Variants in PPP1R9B observed in about 807,000 individuals in gnomAD.
The protein encoded by PPP1R9B is protein phosphatase 1 regulatory subunit 9B.
Under a neutral mutation model 75.8 loss-of-function variants are expected in PPP1R9B, and 17 were observed. The observed-to-expected ratio is 0.22, with a 90% CI of 0.15 to 0.34. The LOEUF (loss-of-function observed/expected upper bound fraction) is 0.34, where lower values mean the gene tolerates loss of function less well. PPP1R9B is among the 10% of genes least tolerant of loss of function. The pLI is 1.00. For synonymous variants in PPP1R9B, 509 were observed against 535.4 expected (o/e 0.95, Z 0.68); for missense variants, 875 against 1,196.0 (o/e 0.73, Z 3.96).
In PPP1R9B at chr17:50,139,542, G is replaced by T; in HGVS notation, c.1906C>A (p.Pro636Thr). 1 of 1,587,988 alleles carries T rather than the reference G, an allele frequency of 6.3e-7. No individual in the cohort carries two copies. The highest frequency in any genetic ancestry group is 2.2e-5 in the East Asian group (1 of 44,654). Reference sequence around the variant, plus strand: ...GCCATCTCACCACCCGGGAACGTGGGGCTCAGCTCCTCATCCTCGTCAGTG... The same window carrying T: ...GCCATCTCACCACCCGGGAACGTGGTGCTCAGCTCCTCATCCTCGTCAGTG... ...YATDEDEELSPTFPGGEMAIE... is the reference protein window; with the variant it reads ...YATDEDEELSTTFPGGEMAIE... Residue 636 changes from proline (P) to threonine (T), a missense_variant, in exon 6 of 10, where the codon CCC (proline) becomes ACC (threonine). Pro to Thr is a conservative substitution (Grantham distance 38). Coordinates refer to ENST00000612501, the MANE Select transcript of PPP1R9B (RefSeq NM_032595.5). This position sits in a 1 kb window ranked among gnomAD's most constrained non-coding sequence, Gnocchi z 5.0.
intron 2 of PPP1R9B, among the ~76,000 whole-genome samples, chr17:50,144,639 T>C (rs932912580): frequency 3.3e-5 from 5 of 152,136 alleles, no homozygotes; most frequent in African/African-American, 1.2e-4. Context: ...AAGCTTCACT[T>C]CCCTGGAGAA....
intron 1 of PPP1R9B, among the ~76,000 whole-genome samples, chr17:50,145,551 G>A (rs961129709): frequency 3.9e-5 from 6 of 152,160 alleles, no homozygotes; most frequent in African/African-American, 1.2e-4. Context: ...CTGGAGAAAC[G>A]TCCAACTCAG....
In PPP1R9B at chr17:50,149,122, A is replaced by C; in HGVS notation, c.1371+21T>G. ...CACGTGGCAGGGGCGGCGCGGGGGC[A>C]GGGCGGGGGGGCTCACTTACTTGGA... On this transcript the variant is annotated intron_variant, in intron 1 of 9. Coordinates refer to ENST00000612501, the MANE Select transcript of PPP1R9B (RefSeq NM_032595.5). This position sits in a 1 kb window ranked among gnomAD's most constrained non-coding sequence, Gnocchi z 7.2. The C allele has an allele frequency of 8.0e-7, 1 of 1,243,328 alleles. No homozygotes were observed. Among genetic ancestry groups the C allele is most frequent in the Non-Finnish European group, 1.0e-6 (1 of 966,464 alleles). 77.0% of individuals were successfully genotyped at this position (1,243,328 alleles called of 1,614,324 possible).
chr17:50,138,306 C>T (rs2144442483), intron 7 of PPP1R9B, among the ~76,000 whole-genome samples: 1 of 152,278 alleles, frequency 6.6e-6, no homozygotes, highest in Admixed American at 6.5e-5. Context: ...GATCGATGGC[C>T]ATGCCTGTGT....
At position 50,147,563 on chromosome 17, in the gene PPP1R9B, A is replaced by C. The variant is rs1319623363; in HGVS notation, c.1371+1580T>G. Reference sequence around the variant, plus strand: ...CCAAATCATGTGCTATTTTTTACTGAAAAATCAGGGTAAGGCGTCAAATAT... The same window carrying C: ...CCAAATCATGTGCTATTTTTTACTGCAAAATCAGGGTAAGGCGTCAAATAT... On this transcript the variant is annotated intron_variant, in intron 1 of 9. Transcript: ENST00000612501. Among the ~76,000 whole-genome samples the C allele has an allele frequency of 2.0e-5, 3 of 152,296 alleles. No individual in the cohort carries two copies. The East Asian group carries it at 5.8e-4, about 29-fold the overall frequency.
rs577385601 is a variant in PPP1R9B at position 50,136,892 on chromosome 17, C to T, written c.2074-695G>A. Among the ~76,000 whole-genome samples, 3 of 152,078 alleles carry T rather than the reference C, an allele frequency of 2.0e-5. No homozygotes were observed. In the East Asian group the frequency reaches 5.8e-4, roughly 29 times the overall value. On this transcript the variant is annotated intron_variant, in intron 7 of 9. Transcript: ENST00000612501. Reference sequence around the variant, plus strand: ...CCAGCTCCTCCCAGGTACCATGCCCCAGACCAGGCCCCCGCAGCTGCACAA... The same window carrying T: ...CCAGCTCCTCCCAGGTACCATGCCCTAGACCAGGCCCCCGCAGCTGCACAA...
At chr17:50,148,718 C>T (rs1912586462) in intron 1 of PPP1R9B, among the ~76,000 whole-genome samples, 1 of 152,236 alleles carries the variant, frequency 6.6e-6, no homozygotes, top group Admixed American at 6.5e-5. Context: ...GAAAGCACCC[C>T]GGCCCCCTCT....
chr17:50,149,092 G>T lies in PPP1R9B; in HGVS notation c.1371+51C>A. 1 of 1,298,710 alleles carries T rather than the reference G, an allele frequency of 7.7e-7. No individual in the cohort carries two copies. The highest frequency in any genetic ancestry group is 1.0e-6 in the Non-Finnish European group (1 of 1,000,148). 80.4% of individuals were successfully genotyped at this position (1,298,710 alleles called of 1,614,324 possible). ...GGCTGGCTGGCGAGCGGGGGCGGCCGCGTGCACGTGGCAGGGGCGGCGCGG... is the reference window on the plus strand; with the variant it reads ...GGCTGGCTGGCGAGCGGGGGCGGCCTCGTGCACGTGGCAGGGGCGGCGCGG... On this transcript the variant is annotated intron_variant, in intron 1 of 9. Transcript: ENST00000612501. The surrounding 1 kb of genome is among the most constrained non-coding windows in gnomAD (Gnocchi z 7.2).
At chr17:50,144,557 C>T (rs1314182344) in intron 2 of PPP1R9B, among the ~76,000 whole-genome samples, 2 of 152,116 alleles carry the variant, frequency 1.3e-5, no homozygotes, top group East Asian at 1.9e-4. Context: ...CTCTTCTTGC[C>T]CTCCCTATGC....
intron 3 of PPP1R9B, 109 bp downstream of exon 3, chr17:50,143,488 GA>G: frequency 1.4e-6 from 2 of 1,380,466 alleles, no homozygotes; most frequent in South Asian, 2.7e-5. Flanking sequence ...ACACAGCACG[GA>G]AATCTCCCAG....
intron 9 of PPP1R9B, 47 bp from the exon 10 acceptor site, chr17:50,135,431 G>T: frequency 6.3e-7 from 1 of 1,599,594 alleles, no homozygotes; most frequent in Non-Finnish European, 8.6e-7. Context: ...CACCAGGCAT[G>T]ATCCCAGCCC....
In PPP1R9B at chr17:50,149,350, C is replaced by T. The variant is rs756074673; in HGVS notation, c.1164G>A (p.Ser388=). ...EVDESKKEDF[S]EADLVDVSAY... ...CGCTCACGTCCACCAAGTCCGCCTC[C>T]GAGAAGTCCTCCTTCTTGGATTCAT... The change falls in exon 1 of 10, where the codon TCG becomes TCA. Residue 388 remains serine (S), a synonymous_variant. Transcript: ENST00000612501. The surrounding 1 kb of genome is among the most constrained non-coding windows in gnomAD (Gnocchi z 7.2). 3.3e-5 allele frequency: 54 copies of T among 1,613,482 alleles called. No homozygotes were observed. The highest frequency in any genetic ancestry group is 4.6e-5 in the Non-Finnish European group (54 of 1,179,804).
intron 2 of PPP1R9B, among the ~76,000 whole-genome samples, chr17:50,144,142 G>A (rs1912455716): frequency 1.3e-5 from 2 of 152,150 alleles, no homozygotes; most frequent in South Asian, 4.1e-4. Flanking sequence ...TCTCTCCCCT[G>A]AGGTCCATTC....
At chr17:50,140,389 A>G (rs2144445378) in intron 4 of PPP1R9B, 161 bp from the exon 5 acceptor site, 1 of 934,134 alleles carries the variant, frequency 1.1e-6, no homozygotes, top group Non-Finnish European at 1.6e-6. Flanking sequence ...TGGGGGAATG[A>G]GGGCCCTTAT....
chr17:50,148,524 G>A (rs1482086496), intron 1 of PPP1R9B, among the ~76,000 whole-genome samples: 1 of 152,218 alleles, frequency 6.6e-6, no homozygotes, highest in Non-Finnish European at 1.5e-5. Flanking sequence ...GGAACACGGC[G>A]CCAGCCAGTC....
At chr17:50,138,719 G>A (rs1382153585) in intron 7 of PPP1R9B, among the ~76,000 whole-genome samples, 1 of 152,140 alleles carries the variant, frequency 6.6e-6, no homozygotes, top group Non-Finnish European at 1.5e-5. Context: ...GACCTACCCT[G>A]GCCCAAATGA....
intron 7 of PPP1R9B, among the ~76,000 whole-genome samples, chr17:50,138,645 G>A (rs1912292216): frequency 6.6e-6 from 1 of 152,128 alleles, no homozygotes; most frequent in South Asian, 2.1e-4. Context: ...TTGACACATG[G>A]TCTCATTCTG....
At chr17:50,140,482 T>C (rs897767546) in intron 4 of PPP1R9B, 4 of 544,542 alleles carry the variant, frequency 7.3e-6, no homozygotes, top group Non-Finnish European at 1.3e-5. Flanking sequence ...AGCCCACCTC[T>C]AGGCTGTGCT....
At chr17:50,140,026 A>T (rs1233124245) in intron 5 of PPP1R9B, 67 bp downstream of exon 5, 1 of 1,551,602 alleles carries the variant, frequency 6.4e-7, no homozygotes, top group African/African-American at 1.4e-5. Context: ...GTAGAGGCAG[A>T]TGACTGTAAT....
Sources: allele counts gnomAD v4.1 joint callset (sites outside exome capture counted in the v4.1 genomes callset), GRCh38; gene constraint gnomAD v4.1.1; non-coding constraint Gnocchi (gnomAD v3.1); transcripts MANE v1.5; gene names NCBI Gene and HGNC (gene_info 2026-07-23, HGNC 2026-07-21).